ITSN1: variants seen among roughly 807,000 people sequenced by gnomAD.
ITSN1 encodes intersectin 1, also known as intersectin-1.
ITSN1 carries 58 observed loss-of-function variants against 239.8 expected under a neutral mutation model. The observed-to-expected ratio is 0.24, with a 90% CI of 0.20 to 0.30. The LOEUF (loss-of-function observed/expected upper bound fraction) is 0.30. Among genes scored for constraint, ITSN1 ranks in the 10% least tolerant of loss-of-function variants. The pLI, the probability that ITSN1 is intolerant of heterozygous loss-of-function variation, is 1.00. For missense variants in ITSN1, 1,558 were observed against 2,103.3 expected (o/e 0.74, Z 5.07); for synonymous variants, 780 against 770.8 (o/e 1.01, Z -0.20).
chr21:33,834,923 G>A lies in ITSN1; in HGVS notation c.3469+499G>A, dbSNP rs187527408. ...GGGGGCTTCGCTGGGCAGGCAGGAT[G>A]TTGTACTCACTTTCCTGGAGGACTG... On this transcript the variant is annotated intron_variant, in intron 28 of 39. Transcript: ENST00000381318. Among the ~76,000 whole-genome samples, 64 of 152,304 alleles carry A rather than the reference G, an allele frequency of 4.2e-4. 1 individual carries two copies. In the East Asian group the frequency reaches 9.6e-3, roughly 23 times the overall value.
intron 29 of ITSN1, among the ~76,000 whole-genome samples, chr21:33,852,704 G>A (rs1978553905): frequency 6.6e-6 from 1 of 152,128 alleles, no homozygotes; most frequent in South Asian, 2.1e-4. Context: ...GTAACCGCCT[G>A]GAGTCATTTG....
rs79213285 is a variant in ITSN1 at position 33,740,975 on chromosome 21, A to G, written c.346+5771A>G. ...TTTTCTGTAAAATGGAAAAATTATT[A>G]TGTAAGAGAAGATTTCTAACAAATT... On this transcript the variant is annotated intron_variant, in intron 5 of 39. Coordinates refer to ENST00000381318, the MANE Select transcript of ITSN1 (RefSeq NM_003024.3). Among the ~76,000 whole-genome samples the G allele has an allele frequency of 1.5e-3, 224 of 152,364 alleles. 1 individual carries two copies. The highest frequency in any genetic ancestry group is 5.1e-3 in the African/African-American group (212 of 41,586).
chr21:33,817,985 C>T (rs2073402167), intron 22 of ITSN1: 4 of 454,876 alleles, frequency 8.8e-6, no homozygotes, highest in Non-Finnish European at 3.9e-6. Flanking sequence ...CCAGATGCAA[C>T]AGAATAATTG....
At chr21:33,876,065 T>TCCCTTTCTCCCTTTTTCTTTC (rs1555970248) in intron 34 of ITSN1, among the ~76,000 whole-genome samples, 2 of 50,226 alleles carry the variant, frequency 4.0e-5, no homozygotes, top group Non-Finnish European at 7.0e-5. Context: ...TTTCTTTCTT[T>TCCCTTTCTCCCTTTTTCTTTC]CTCTTTCTCC....
Position 33,794,387 on chromosome 21 carries a change from C to T in ITSN1, c.1871C>T (p.Ser624Phe). 6.2e-7 allele frequency: 1 copy of T among 1,613,678 alleles called. No homozygotes were observed. The highest frequency in any genetic ancestry group is 8.5e-7 in the Non-Finnish European group (1 of 1,179,854). ...HNKQQLQKQK[S>F]MEAERLKQKE... Reference sequence around the variant, plus strand: ...AAGCAACAACTCCAGAAGCAAAAGTCCATGGAGGCTGAACGACTGAAACAG... The same window carrying T: ...AAGCAACAACTCCAGAAGCAAAAGTTCATGGAGGCTGAACGACTGAAACAG... The change falls in exon 17 of 40, where the codon TCC (serine) becomes TTC (phenylalanine). Residue 624 changes from serine to phenylalanine, a missense_variant. Coordinates refer to ENST00000381318, the MANE Select transcript of ITSN1 (RefSeq NM_003024.3).
At chr21:33,785,841 A>G (rs1286747195) in intron 16 of ITSN1, among the ~76,000 whole-genome samples, 1 of 152,178 alleles carries the variant, frequency 6.6e-6, no homozygotes, top group Non-Finnish European at 1.5e-5. Context: ...ATAGATATTT[A>G]CCTTTTAGGT....
chr21:33,778,199 CT>C (rs1191713167), intron 14 of ITSN1, among the ~76,000 whole-genome samples: 1 of 151,994 alleles, frequency 6.6e-6, no homozygotes, highest in Non-Finnish European at 1.5e-5. Context: ...TATTAAGGAT[CT>C]TTTTAAATCT....
At chr21:33,702,584 C>T (rs2092074317) in intron 1 of ITSN1, among the ~76,000 whole-genome samples, 1 of 152,142 alleles carries the variant, frequency 6.6e-6, no homozygotes, top group Non-Finnish European at 1.5e-5. Context: ...TTAAATTTTA[C>T]CTTTTTAACT....
chr21:33,732,811 TGGG>T (rs1301878736), intron 4 of ITSN1, among the ~76,000 whole-genome samples: 1 of 151,966 alleles, frequency 6.6e-6, no homozygotes, highest in Admixed American at 6.6e-5. Flanking sequence ...AAAATGGAAA[TGGG>T]GGGAATGTTT....
chr21:33,823,394 ACTTCCTT>A, intron 24 of ITSN1, 86 bp from the exon 25 acceptor site: 2 of 1,126,856 alleles, frequency 1.8e-6, no homozygotes, highest in East Asian at 2.4e-5. Context: ...TCTTGTCCTA[ACTTCCTT>A]ATTCGTAAAC....
chr21:33,788,839 A>G (rs2070875738), intron 16 of ITSN1, among the ~76,000 whole-genome samples: 1 of 152,198 alleles, frequency 6.6e-6, no homozygotes, highest in South Asian at 2.1e-4. Flanking sequence ...AGTGACATAT[A>G]TCTCAGGAGG....
intron 1 of ITSN1, among the ~76,000 whole-genome samples, chr21:33,695,994 T>C (rs2091776147): frequency 6.6e-6 from 1 of 152,252 alleles, no homozygotes; most frequent in South Asian, 2.1e-4. Context: ...GCAGTCTATT[T>C]AGTGTTTTAG....
In ITSN1 at chr21:33,767,823, T is replaced by C. The variant is rs760758707; in HGVS notation, c.1037T>C (p.Leu346Ser). 6.4e-7 allele frequency: 1 copy of C among 1,556,364 alleles called. No homozygotes were observed. The highest frequency in any genetic ancestry group is 8.9e-7 in the Non-Finnish European group (1 of 1,128,372). ...EDEQQQLEKKLPVTFEDKKRE... is the reference protein window; with the variant it reads ...EDEQQQLEKKSPVTFEDKKRE... ...GAACAACAACAATTAGAAAAGAAAT[T>C]ACCTGGTAAGGCAGCCTTTATGTTG... Residue 346 changes from leucine to serine, a missense_variant, in exon 11 of 40, where the codon TTA (leucine) becomes TCA (serine). Around this residue, in one of 2 missense-constraint regions of ITSN1, gnomAD observed 982 missense variants for 1,209.9 expected, o/e 0.81. Coordinates refer to ENST00000381318, the MANE Select transcript of ITSN1 (RefSeq NM_003024.3).
chr21:33,783,691 C>CAAA (rs11349210), intron 16 of ITSN1, among the ~76,000 whole-genome samples: 1 of 132,022 alleles, frequency 7.6e-6, no homozygotes, highest in African/African-American at 2.7e-5. Context: ...CTTTTATAAG[C>CAAA]AAAAAAAAAA....
chr21:33,669,985 A>G (rs1012633599), intron 1 of ITSN1, among the ~76,000 whole-genome samples: 4 of 152,116 alleles, frequency 2.6e-5, no homozygotes, highest in African/African-American at 9.7e-5. Flanking sequence ...GTGTTGCCCT[A>G]GACTCATAGG....
intron 20 of ITSN1, among the ~76,000 whole-genome samples, chr21:33,803,760 C>T: frequency 6.6e-6 from 1 of 152,128 alleles, no homozygotes; most frequent in Admixed American, 6.5e-5. Context: ...AAAATAAATT[C>T]AAGGACAAGT....
intron 1 of ITSN1, among the ~76,000 whole-genome samples, chr21:33,650,746 A>C (rs1003801372): frequency 3.3e-5 from 5 of 152,262 alleles, no homozygotes; most frequent in Non-Finnish European, 5.9e-5. Context: ...ACCTTGAAAA[A>C]TTGACAAGAA....
chr21:33,894,016 G>A lies in ITSN1; in HGVS notation c.*5716G>A, dbSNP rs534052117. The A allele has an allele frequency of 1.3e-5, 2 of 152,290 alleles. No individual in the cohort carries two copies. Among genetic ancestry groups the A allele is most frequent in the East Asian group, 1.9e-4 (1 of 5,174 alleles). The allele number at this position is 152,290 out of a possible 1,614,324, so 9.4% of individuals were successfully genotyped here. A position where few individuals can be genotyped will look rare whatever the true frequency, so the allele number is the denominator to read the frequency against. ...TCTCAGAAACATCTTAGTAGTTAAT[G>A]CACTGTTCATTTAGGGAGTCCCCAT... On this transcript the variant is annotated 3_prime_UTR_variant, in exon 40 of 40. Transcript: ENST00000381318.
chr21:33,781,877 C>G, intron 15 of ITSN1, 117 bp from the exon 16 acceptor site: 1 of 1,021,152 alleles, frequency 9.8e-7, no homozygotes, highest in Non-Finnish European at 1.4e-6. Context: ...CCGCACCCAG[C>G]CTTTTCTTAT....
Sources: gnomAD v4.1 joint callset for allele counts (sites outside exome capture counted in the v4.1 genomes callset) on GRCh38, gnomAD v4.1.1 for gene constraint, gnomAD v4.1.1 regional missense constraint, MANE v1.5 for transcripts, NCBI Gene and HGNC (gene_info 2026-07-23, HGNC 2026-07-21) for gene names.